TRMT11: variants seen among roughly 807,000 people sequenced by gnomAD.
The protein encoded by TRMT11 is tRNA methyltransferase 11, also known as tRNA (guanine(10)-N(2))-methyltransferase TRMT11.
Under a neutral mutation model 62.8 loss-of-function variants are expected in TRMT11, and 53 were observed. That is an observed-to-expected ratio of 0.84 (90% CI 0.68 to 1.06). TRMT11 has a LOEUF of 1.06. TRMT11 is among the 50% of genes least tolerant of loss of function. The pLI is 0.00. For missense variants in TRMT11, 556 were observed against 553.4 expected, an observed-to-expected ratio of 1.00 and a Z score of -0.05; for synonymous variants, 188 against 190.3, an observed-to-expected ratio of 0.99 and a Z score of 0.10.
chr6:126,170,402 C>T (rs1445270691), intron 21 of TRMT11, among the ~76,000 whole-genome samples: 3 of 152,192 alleles, frequency 2.0e-5, no homozygotes. Flanking sequence ...TTAGTTTTCT[C>T]CCAGTTTCCC....
intron 12 of TRMT11, among the ~76,000 whole-genome samples, chr6:126,028,504 G>C (rs1297477592): frequency 6.6e-6 from 1 of 152,038 alleles, no homozygotes. Context: ...AAAAAGACTC[G>C]GAGAAGCAGA....
At chr6:126,245,885 C>T in the TRMT11 span, among the ~76,000 whole-genome samples, 5 of 151,948 alleles carry the variant, frequency 3.3e-5, no homozygotes, top group Non-Finnish European at 7.4e-5. Flanking sequence ...ATCACTTGAG[C>T]CTAGGAGTTC....
At chr6:126,133,525 C>A (rs976351593) in intron 21 of TRMT11, among the ~76,000 whole-genome samples, 1 of 151,984 alleles carries the variant, frequency 6.6e-6, no homozygotes, top group Non-Finnish European at 1.5e-5. Flanking sequence ...TAGGTAGCTA[C>A]TGCTACACAG....
At position 126,037,025 on chromosome 6, in the gene TRMT11, C is replaced by T. The variant is rs76909850; in HGVS notation, c.1261-1680C>T. Among the ~76,000 whole-genome samples the T allele has an allele frequency of 6.8e-3, 1,041 of 151,986 alleles. 6 individuals are homozygous for T. The highest frequency in any genetic ancestry group is 0.023 in the African/African-American group (954 of 41,480). ...AGTTAATAGGCCTTCATTAGTAAGA[C>T]CTCTCATCCAGTTCTACTTCTTTCT... On this transcript the variant is annotated intron_variant, in intron 12 of 12. Transcript: ENST00000334379.
At chr6:126,071,107 TC>T (rs888203056) in intron 17 of TRMT11, among the ~76,000 whole-genome samples, 1 of 152,188 alleles carries the variant, frequency 6.6e-6, no homozygotes, top group African/African-American at 2.4e-5. Context: ...ATCAGTTCTT[TC>T]CTTCAGAAGT....
At chr6:126,046,495 C>T (rs924069959) in intron 16 of TRMT11, among the ~76,000 whole-genome samples, 1 of 152,202 alleles carries the variant, frequency 6.6e-6, no homozygotes, top group African/African-American at 2.4e-5. Flanking sequence ...CCCATGTTCC[C>T]TTGTTTCTCC....
chr6:126,070,077 T>C (rs1776808978), intron 17 of TRMT11, among the ~76,000 whole-genome samples: 1 of 152,196 alleles, frequency 6.6e-6, no homozygotes. Context: ...CATTAAATAG[T>C]AGCCATGGGC....
chr6:126,018,991 C>G (rs897192291), intron 11 of TRMT11, among the ~76,000 whole-genome samples: 1 of 152,244 alleles, frequency 6.6e-6, no homozygotes, highest in Non-Finnish European at 1.5e-5. Context: ...AGCGATTCTC[C>G]TGCCTCAGCC....
chr6:126,250,307 G>C, the TRMT11 span, among the ~76,000 whole-genome samples: 1 of 152,108 alleles, frequency 6.6e-6, no homozygotes, highest in Non-Finnish European at 1.5e-5. Context: ...TCCTCAATGA[G>C]AAGTGAAAAG....
At chr6:126,062,754 C>T (rs972719776) in intron 17 of TRMT11, among the ~76,000 whole-genome samples, 1 of 152,070 alleles carries the variant, frequency 6.6e-6, no homozygotes, top group Non-Finnish European at 1.5e-5. Context: ...CACATCTTTC[C>T]CGTAAATGTG....
chr6:126,239,676 A>ATGGTT, the TRMT11 span, among the ~76,000 whole-genome samples: 1 of 152,114 alleles, frequency 6.6e-6, no homozygotes, highest in East Asian at 1.9e-4. Flanking sequence ...GAATCTGAGA[A>ATGGTT]TTATGTGTCT....
the TRMT11 span, among the ~76,000 whole-genome samples, chr6:126,215,302 A>G: frequency 6.6e-6 from 1 of 152,030 alleles, no homozygotes; most frequent in Non-Finnish European, 1.5e-5. Flanking sequence ...GTCTTCAACT[A>G]TGATTGTATT....
chr6:126,150,798 A>C (rs1227347458), intron 21 of TRMT11, among the ~76,000 whole-genome samples: 1 of 152,220 alleles, frequency 6.6e-6, no homozygotes, highest in African/African-American at 2.4e-5. Context: ...GTGATCTGAT[A>C]GCTTAGGGTC....
upstream of TRMT11, among the ~76,000 whole-genome samples, chr6:126,174,958 G>A (rs987446539): frequency 2.6e-5 from 4 of 152,156 alleles, no homozygotes; most frequent in Non-Finnish European, 5.9e-5. Context: ...CCAAAGCTCA[G>A]AAAATGATTT....
At chr6:126,158,228 TGG>T (rs1187198635) in intron 21 of TRMT11, among the ~76,000 whole-genome samples, 2 of 152,228 alleles carry the variant, frequency 1.3e-5, no homozygotes, top group Non-Finnish European at 1.5e-5. Context: ...CTTCAGTCTA[TGG>T]TTCTTCTCTC....
intron 1 of TRMT11, among the ~76,000 whole-genome samples, chr6:126,184,499 T>C (rs1183983374): frequency 6.6e-6 from 1 of 152,172 alleles, no homozygotes; most frequent in African/African-American, 2.4e-5. Context: ...TTATTATTTA[T>C]TTGAAAGGTG....
At chr6:126,030,308 T>A (rs1452656361) in intron 12 of TRMT11, among the ~76,000 whole-genome samples, 1 of 152,184 alleles carries the variant, frequency 6.6e-6, no homozygotes, top group Non-Finnish European at 1.5e-5. Context: ...AAACAAAAGC[T>A]GGACATGGGT....
intron 11 of TRMT11, among the ~76,000 whole-genome samples, chr6:126,019,069 G>A (rs995452053): frequency 6.6e-6 from 1 of 151,910 alleles, no homozygotes; most frequent in Non-Finnish European, 1.5e-5. Flanking sequence ...TAGCAGAGAC[G>A]GGGTTTCACC....
intron 17 of TRMT11, among the ~76,000 whole-genome samples, chr6:126,108,645 ATTAAT>A (rs1326554972): frequency 6.6e-6 from 1 of 152,212 alleles, no homozygotes; most frequent in Admixed American, 6.5e-5. Context: ...TCTCTAGAAC[ATTAAT>A]TTATAGTTCA....
Sources: allele counts gnomAD v4.1 joint callset (sites outside exome capture counted in the v4.1 genomes callset), GRCh38; gene constraint gnomAD v4.1.1; transcripts MANE v1.5; gene names NCBI Gene and HGNC (gene_info 2026-07-23, HGNC 2026-07-21).